The following FGF13 variants were observed in gnomAD, a reference collection of about 807,000 sequenced individuals.
The protein encoded by FGF13 is fibroblast growth factor homologous factor 2.
In FGF13, 2 loss-of-function variants were observed where a neutral mutation model predicts 19.5. The observed-to-expected ratio is 0.10, with a 90% CI of 0.04 to 0.32. The LOEUF is 0.32. Among genes scored for constraint, FGF13 ranks in the 10% least tolerant of loss-of-function variants. The probability of loss-of-function intolerance (pLI) is 1.00; values close to 1 mark genes in which losing one functional copy is unlikely to be tolerated. For missense variants in FGF13, 113 were observed against 192.7 expected, an observed-to-expected ratio of 0.59 and a Z score of 2.45; for synonymous variants, 72 against 76.9, an observed-to-expected ratio of 0.94 and a Z score of 0.33.
At chrX:138,999,677 A>T (rs1048459014) in intron 1 of FGF13, among the ~76,000 whole-genome samples, 1 of 112,043 alleles carries the variant, frequency 8.9e-6, no homozygotes, top group Non-Finnish European at 1.9e-5. Context: ...TAGGTTTTGA[A>T]ATTGAGGCAG....
At chrX:138,779,350 G>T (rs1398598225) in intron 3 of FGF13, among the ~76,000 whole-genome samples, 7 of 111,922 alleles carry the variant, frequency 6.3e-5, no homozygotes, top group Non-Finnish European at 1.3e-4. Flanking sequence ...GAAGGCTTCA[G>T]ATGATCAAAC....
chrX:138,720,789 G>A (rs1482011855), intron 1 of FGF13, among the ~76,000 whole-genome samples: 1 of 111,338 alleles, frequency 9.0e-6, no homozygotes, highest in Non-Finnish European at 1.9e-5. Context: ...TTCAAACCTG[G>A]ATTTCAACTG....
At chrX:138,911,303 TC>T (rs780228302) in intron 1 of FGF13, among the ~76,000 whole-genome samples, 239 of 111,303 alleles carry the variant, frequency 2.1e-3, no homozygotes, top group African/African-American at 7.1e-3. Context: ...TCTCATCATG[TC>T]CTTTGCAGGG....
intron 1 of FGF13, among the ~76,000 whole-genome samples, chrX:139,121,939 C>T (rs933517454): frequency 9.0e-5 from 10 of 110,739 alleles, no homozygotes; most frequent in African/African-American, 2.0e-4. Context: ...AGCTTAGGAT[C>T]GGCTAGTTTG....
intron 1 of FGF13, among the ~76,000 whole-genome samples, chrX:138,916,277 C>T (rs1297514306): frequency 1.8e-5 from 2 of 111,840 alleles, no homozygotes; most frequent in Admixed American, 9.6e-5. Context: ...ACACTTTTCA[C>T]AATACTTCTA....
intron 3 of FGF13, among the ~76,000 whole-genome samples, chrX:138,651,989 T>C (rs1468933174): frequency 9.0e-6 from 1 of 111,704 alleles, no homozygotes; most frequent in Non-Finnish European, 1.9e-5. Context: ...CACCTCCCAA[T>C]AGCTTTTCAT....
At chrX:139,033,027 C>CAAAAAAAAAAAAAAAAAAAAAAAAAAAA (rs758766077) in intron 1 of FGF13, among the ~76,000 whole-genome samples, 1 of 27,271 alleles carries the variant, frequency 3.7e-5, no homozygotes, top group African/African-American at 1.3e-4. Context: ...TCTGATTATC[C>CAAAAAAAAAAAAAAAAAAAAAAAAAAAA]AAAAAAAAAA....
intron 1 of FGF13, among the ~76,000 whole-genome samples, chrX:139,134,836 T>C (rs749904672): frequency 9.0e-6 from 1 of 111,386 alleles, no homozygotes; most frequent in African/African-American, 3.3e-5. Context: ...GTTGTAGAGA[T>C]GGGGCTTTGC....
intron 1 of FGF13, among the ~76,000 whole-genome samples, chrX:138,903,874 C>T (rs759180053): frequency 1.8e-5 from 2 of 111,695 alleles, no homozygotes; most frequent in African/African-American, 3.3e-5. Context: ...TTCTGGGCAC[C>T]TCAAGTCTCA....
At chrX:139,171,458 G>A (rs1256786705) in intron 1 of FGF13, among the ~76,000 whole-genome samples, 1 of 111,311 alleles carries the variant, frequency 9.0e-6, no homozygotes, top group Non-Finnish European at 1.9e-5. Context: ...GGCTTCTGAT[G>A]GGAGGTTCTA....
At chrX:139,127,487 T>C (rs2124475870) in intron 1 of FGF13, among the ~76,000 whole-genome samples, 1 of 111,870 alleles carries the variant, frequency 8.9e-6, no homozygotes, top group East Asian at 2.8e-4. Context: ...TCTGGTGTTG[T>C]ACAAATGGAA....
intron 3 of FGF13, among the ~76,000 whole-genome samples, chrX:138,786,868 T>A (rs1342485593): frequency 2.7e-5 from 3 of 112,207 alleles, no homozygotes; most frequent in African/African-American, 9.7e-5. Context: ...TCACAACATA[T>A]CACCAGTTCT....
Position 139,070,203 on chromosome X carries a change from T to C in FGF13, c.-113+133213A>G, listed in dbSNP as rs756040689. On this transcript the variant is annotated intron_variant, in intron 1 of 2. Transcript: ENST00000421460. ...ATCAGAGTGAACAGGCAACCTACAA[T>C]GGGAGAAAAAATTTGCAATCTATCC... Among the ~76,000 whole-genome samples the C allele has an allele frequency of 2.7e-5, 3 of 111,081 alleles. No homozygotes were observed. In the Admixed American group the frequency reaches 2.9e-4, roughly 11 times the overall value.
rs778920977 is a variant in FGF13, at chrX:138,651,564, C to T, written c.403-15909G>A. Among the ~76,000 whole-genome samples, 15 of 111,724 alleles carry T rather than the reference C, an allele frequency of 1.3e-4. No homozygotes were observed. The South Asian group carries it at 5.6e-3, about 42-fold the overall frequency. On this transcript the variant is annotated intron_variant, in intron 3 of 4. Coordinates refer to ENST00000315930, the MANE Select transcript of FGF13 (RefSeq NM_004114.5). ...AGGAAGATACTTTATTTCCTTGAGGCCACTGAGCCATCATTTAGGGTGTAA... is the reference window on the plus strand; with the variant it reads ...AGGAAGATACTTTATTTCCTTGAGGTCACTGAGCCATCATTTAGGGTGTAA...
At chrX:138,749,511 A>G (rs2090382073) in intron 3 of FGF13, among the ~76,000 whole-genome samples, 1 of 111,979 alleles carries the variant, frequency 8.9e-6, no homozygotes, top group Admixed American at 9.5e-5. Context: ...GTCTCAGAGC[A>G]AGTGTTTGCA....
chrX:139,140,851 T>C (rs2083837874), intron 1 of FGF13, among the ~76,000 whole-genome samples: 1 of 110,828 alleles, frequency 9.0e-6, no homozygotes, highest in Admixed American at 9.7e-5. Flanking sequence ...CGCATTTCCT[T>C]GCTCACTCCA....
chrX:139,061,563 C>A (rs1305286074), intron 1 of FGF13, among the ~76,000 whole-genome samples: 1 of 110,734 alleles, frequency 9.0e-6, no homozygotes, highest in Non-Finnish European at 1.9e-5. Flanking sequence ...ATGCAGCCCA[C>A]CTACCTTGGA....
chrX:139,156,661 G>C (rs376050164), intron 1 of FGF13, among the ~76,000 whole-genome samples: 34 of 111,929 alleles, frequency 3.0e-4, no homozygotes, highest in African/African-American at 1.1e-3. Context: ...GGGAGCTTAT[G>C]ATAGTATTTA....
At chrX:138,891,767 G>A (rs1472488113) in intron 1 of FGF13, among the ~76,000 whole-genome samples, 1 of 110,439 alleles carries the variant, frequency 9.1e-6, no homozygotes, top group Non-Finnish European at 1.9e-5. Flanking sequence ...CTAATCAGCT[G>A]CCAGCGAATA....
Sources: allele counts gnomAD v4.1 joint callset (sites outside exome capture counted in the v4.1 genomes callset), GRCh38; gene constraint gnomAD v4.1.1; transcripts MANE v1.5; gene names NCBI Gene and HGNC (gene_info 2026-07-23, HGNC 2026-07-21).